TTC39B: variants seen among roughly 807,000 people sequenced by gnomAD.
TTC39B encodes the protein tetratricopeptide repeat domain 39B.
In TTC39B, 92 loss-of-function variants were observed where a neutral mutation model predicts 96.6. That is an observed-to-expected ratio of 0.95 (90% confidence interval 0.80 to 1.13). The LOEUF is 1.13. Ranked by LOEUF, TTC39B falls within the 50% of genes most tolerant of loss-of-function variation. The pLI, the probability that TTC39B is intolerant of heterozygous loss-of-function variation, is 0.00. For missense variants in TTC39B, 955 were observed against 809.3 expected (o/e 1.18, Z -2.18); for synonymous variants, 367 against 299.4 (o/e 1.23, Z -2.33).
At chr9:15,171,858 T>C (rs1457756205) in exon 20 of TTC39B, 2 of 459,236 alleles carry the variant, frequency 4.4e-6, no homozygotes, top group African/African-American at 2.0e-5. Flanking sequence ...AAAAAAATTA[T>C]GTAGACCAAC....
At chr9:15,194,954 C>A (rs1819069272) in intron 8 of TTC39B, among the ~76,000 whole-genome samples, 1 of 152,168 alleles carries the variant, frequency 6.6e-6, no homozygotes, top group African/African-American at 2.4e-5. Flanking sequence ...AGTGGCCTCT[C>A]AGTGTTCAAG....
At chr9:15,296,065 TGTAAGGA>T (rs1824363413) in intron 1 of TTC39B, among the ~76,000 whole-genome samples, 1 of 152,120 alleles carries the variant, frequency 6.6e-6, no homozygotes, top group Non-Finnish European at 1.5e-5. Flanking sequence ...TGGTTCTGAG[TGTAAGGA>T]CTGTGACTCA....
chr9:15,243,401 C>A lies in TTC39B; in HGVS notation c.276-17389G>T, dbSNP rs56920820. 5.5e-3 allele frequency among the ~76,000 whole-genome samples: 842 copies of A among 152,286 alleles called. 11 individuals carry two copies. The highest frequency in any genetic ancestry group is 0.019 in the African/African-American group (794 of 41,558). ...AGAACAGTTGAAAAGAATACAAGTA[C>A]ATTTTCATATACAATACAAAGCATG... is the stretch of plus-strand genomic sequence containing the variant. On this transcript the variant is annotated intron_variant, in intron 2 of 19. Coordinates refer to ENST00000512701, the Ensembl canonical transcript of TTC39B.
intron 3 of TTC39B, among the ~76,000 whole-genome samples, chr9:15,216,671 G>C (rs1820536969): frequency 6.6e-6 from 1 of 152,124 alleles, no homozygotes; most frequent in African/African-American, 2.4e-5. Context: ...GGGGTCTATA[G>C]ACCCATTTCT....
At chr9:15,219,871 C>T (rs181175021) in intron 3 of TTC39B, among the ~76,000 whole-genome samples, 56 of 152,312 alleles carry the variant, frequency 3.7e-4, no homozygotes, top group African/African-American at 1.3e-3. Flanking sequence ...CCATGACCCT[C>T]ACAAGGGAGG....
In TTC39B at chr9:15,250,079, C is replaced by T. The variant is rs575189776; in HGVS notation, c.275+17835G>A. ...CTCAATTTCTATTTTATTCCTTGGT[C>T]TCCAGTGAGACTCTCAATTCTCAGG... On this transcript the variant is annotated intron_variant, in intron 2 of 19. Transcript: ENST00000512701. The T allele has an allele frequency of 3.6e-5, 46 of 1,279,978 alleles. No homozygotes were observed. In the South Asian group the frequency reaches 5.2e-4, roughly 14 times the overall value. The allele number at this position is 1,279,978 out of a possible 1,614,324, so 79.3% of individuals were successfully genotyped here.
chr9:15,195,785 A>G (rs1819132093), intron 8 of TTC39B, among the ~76,000 whole-genome samples: 1 of 152,222 alleles, frequency 6.6e-6, no homozygotes, highest in South Asian at 2.1e-4. Context: ...GGCTGCACTA[A>G]ACAACAAATT....
intron 6 of TTC39B, among the ~76,000 whole-genome samples, chr9:15,206,535 A>T (rs1286871222): frequency 6.6e-6 from 1 of 152,184 alleles, no homozygotes; most frequent in East Asian, 1.9e-4. Flanking sequence ...TTAGTTCTCA[A>T]AATTAGCCAT....
intron 2 of TTC39B, among the ~76,000 whole-genome samples, chr9:15,230,323 T>C (rs1821352431): frequency 6.9e-6 from 1 of 145,090 alleles, no homozygotes; most frequent in Non-Finnish European, 1.5e-5. Flanking sequence ...ATCACCACAA[T>C]CTAATTTTAT....
exon 20 of TTC39B, chr9:15,165,206 G>A (rs2800583): frequency 0.013 from 1,947 of 152,312 alleles, 41 homozygotes; most frequent in African/African-American, 0.044. Flanking sequence ...AATTAGCCGG[G>A]TGTGATGGCA....
chr9:15,192,723 T>C, intron 8 of TTC39B, 28 bp from the exon 9 acceptor site: 1 of 1,453,986 alleles, frequency 6.9e-7, no homozygotes, highest in Non-Finnish European at 9.6e-7. Context: ...AGTGACAGCA[T>C]AAGTTGACCA....
At chr9:15,302,441 C>T (rs1447554219) in intron 1 of TTC39B, among the ~76,000 whole-genome samples, 2 of 142,788 alleles carry the variant, frequency 1.4e-5, no homozygotes, top group Non-Finnish European at 3.0e-5. Flanking sequence ...ATGGTGAAAC[C>T]TCGTCTCTAC....
intron 2 of TTC39B, among the ~76,000 whole-genome samples, chr9:15,245,315 C>G (rs1822226211): frequency 6.6e-6 from 1 of 152,162 alleles, no homozygotes; most frequent in South Asian, 2.1e-4. Context: ...CTACAAATAT[C>G]TATTAGTAGG....
At position 15,189,766 on chromosome 9, in the gene TTC39B, C is replaced by A. The variant is rs1251435930; in HGVS notation, c.1132G>T (p.Ala378Ser). 3 of 1,613,122 alleles carry A rather than the reference C, an allele frequency of 1.9e-6. No individual in the cohort carries two copies. Among genetic ancestry groups the A allele is most frequent in the Non-Finnish European group, 2.5e-6 (3 of 1,179,480 alleles). ...AGGAAGGGTGCCAGGAGACGCTCTG[C>A]TTCCGCAACATTCACTTCTCCTGTA... Residue 378 changes from alanine (A) to serine (S), a missense_variant, in exon 12 of 20, where the codon GCA (alanine) becomes TCA (serine). Physicochemically the swap from Ala to Ser is moderately conservative, Grantham distance 99 (BLOSUM62 1). Transcript: ENST00000512701.
intron 2 of TTC39B, among the ~76,000 whole-genome samples, chr9:15,230,203 C>T (rs556721567): frequency 4.6e-5 from 7 of 152,238 alleles, no homozygotes; most frequent in South Asian, 2.1e-4. Flanking sequence ...CCTATTTTAA[C>T]GGCTCTAACT....
At chr9:15,183,439 A>G (rs1033351794) in intron 16 of TTC39B, 7 of 369,118 alleles carry the variant, frequency 1.9e-5, no homozygotes, top group African/African-American at 1.6e-4. Flanking sequence ...TATGAAAAAC[A>G]GGCTTTTGGT....
intron 1 of TTC39B, among the ~76,000 whole-genome samples, chr9:15,280,689 G>A (rs939844276): frequency 3.9e-5 from 6 of 152,184 alleles, no homozygotes; most frequent in South Asian, 2.1e-4. Context: ...GCTAGCTGGC[G>A]GAAAAGGGGC....
chr9:15,188,757 T>C (rs1442443476), intron 13 of TTC39B, among the ~76,000 whole-genome samples: 2 of 152,202 alleles, frequency 1.3e-5, no homozygotes, highest in Non-Finnish European at 2.9e-5. Flanking sequence ...TACTGGAGTT[T>C]ACACTGGAAC....
chr9:15,164,358 G>A (rs903041603), exon 20 of TTC39B: 2 of 152,080 alleles, frequency 1.3e-5, no homozygotes, highest in Admixed American at 1.3e-4. Context: ...AAAGTGCTAT[G>A]GACTCTAATT....
Sources: gnomAD v4.1 joint callset for allele counts (sites outside exome capture counted in the v4.1 genomes callset) on GRCh38, gnomAD v4.1.1 for gene constraint, MANE v1.5 for transcripts, NCBI Gene and HGNC (gene_info 2026-07-23, HGNC 2026-07-21) for gene names.